Variants in MRC2 observed in about 807,000 individuals in gnomAD.
MRC2 encodes the protein mannose receptor C-type 2.
MRC2 carries 84 observed loss-of-function variants against 206.2 expected under a neutral mutation model. That is an observed-to-expected ratio of 0.41 (90% CI 0.34 to 0.49). The LOEUF (loss-of-function observed/expected upper bound fraction) is 0.49, where lower values mean the gene tolerates loss of function less well. Among genes scored for constraint, MRC2 ranks in the 20% least tolerant of loss-of-function variants. MRC2 has a pLI of 0.31. For missense variants in MRC2, 1,676 were observed against 2,001.5 expected (o/e 0.84, Z 3.10); for synonymous variants, 798 against 800.0 (o/e 1.00, Z 0.04).
Position 62,672,258 on chromosome 17 carries a change from C to A in MRC2, c.1461+106C>A. 1.5e-6 allele frequency: 2 copies of A among 1,338,428 alleles called. No homozygotes were observed. Among genetic ancestry groups the A allele is most frequent in the African/African-American group, 1.4e-5 (1 of 69,238 alleles). 82.9% of individuals were successfully genotyped at this position (1,338,428 alleles called of 1,614,324 possible). ...AGTTACTATCAGAACCTGCCTGGAA[C>A]CTCTTACCTCTCAGCAGTCCCCCTC... is the stretch of plus-strand genomic sequence containing the variant. On this transcript the variant is annotated intron_variant, in intron 8 of 29. Transcript: ENST00000303375. The surrounding 1 kb of genome is among the most constrained non-coding windows in gnomAD (Gnocchi z 4.5).
chr17:62,642,867 C>T (rs565930078), intron 1 of MRC2, among the ~76,000 whole-genome samples: 1 of 152,230 alleles, frequency 6.6e-6, no homozygotes, highest in African/African-American at 2.4e-5. Flanking sequence ...AAACTGAAAA[C>T]CACCCAAATG....
intron 1 of MRC2, among the ~76,000 whole-genome samples, chr17:62,642,149 T>A (rs1202819795): frequency 6.6e-6 from 1 of 152,194 alleles, no homozygotes. Flanking sequence ...AATTCAGAAT[T>A]CAATTAGGTG....
rs1382874972 is a variant in MRC2, at chr17:62,680,499, G to A, written c.2473+46G>A. The A allele has an allele frequency of 1.9e-6, 3 of 1,612,136 alleles. No homozygotes were observed. Among genetic ancestry groups the A allele is most frequent in the Non-Finnish European group, 2.5e-6 (3 of 1,178,870 alleles). ...CCCGCTACCCATCGCGTGGGAGAGG[G>A]CGTCAACTCTGGGGTAAGTCCCGAG... On this transcript the variant is annotated intron_variant, in intron 16 of 29. Coordinates refer to ENST00000303375, the MANE Select transcript of MRC2 (RefSeq NM_006039.5). This position sits in a 1 kb window ranked among gnomAD's most constrained non-coding sequence, Gnocchi z 4.8.
chr17:62,690,135 C>T, intron 25 of MRC2, 21 bp from the exon 26 acceptor site: 1 of 1,592,962 alleles, frequency 6.3e-7, no homozygotes, highest in South Asian at 1.1e-5. Flanking sequence ...TGAGCCACTT[C>T]TTAATCCTGT....
intron 10 of MRC2, among the ~76,000 whole-genome samples, 180 bp from the exon 11 acceptor site, chr17:62,676,203 G>A (rs1018319914): frequency 9.9e-5 from 15 of 152,158 alleles, no homozygotes; most frequent in African/African-American, 3.6e-4. Context: ...GGGGTGCAGA[G>A]AATAGAAGGG....
chr17:62,690,822 A>G (rs1375460724), intron 27 of MRC2, 61 bp downstream of exon 27: 3 of 1,521,252 alleles, frequency 2.0e-6, no homozygotes, highest in Middle Eastern at 1.7e-4. Flanking sequence ...GCTGCCCTCC[A>G]CTTTGCCCTG....
chr17:62,686,451 TCAACAA>T (rs58330151), intron 20 of MRC2, among the ~76,000 whole-genome samples: 124,036 of 150,050 alleles, frequency 0.83, 54,738 homozygotes, highest in Non-Finnish European at 0.97. Context: ...AGACTCCATC[TCAACAA>T]CAACAACAAC....
At position 62,664,607 on chromosome 17, in the gene MRC2, G is replaced by T. The variant is rs756816295; in HGVS notation, c.178G>T (p.Gly60Trp). ...GLQGCLEAQG[G>W]QVRVTPACNT... ...GCAGGGCTGCCTGGAGGCCCAGGGC[G>T]GGCAGGTCAGAGTCACCCCGGCTTG... is the stretch of plus-strand genomic sequence containing the variant. Residue 60 changes from glycine (G) to tryptophan (W), a missense_variant, in exon 2 of 30, where the codon GGG (glycine) becomes TGG (tryptophan). By Grantham distance (184) the Gly-to-Trp change is radical. Transcript: ENST00000303375. This position sits in a 1 kb window ranked among gnomAD's most constrained non-coding sequence, Gnocchi z 4.7. 1.2e-6 allele frequency: 2 copies of T among 1,613,430 alleles called. No individual in the cohort carries two copies. Among genetic ancestry groups the T allele is most frequent in the Admixed American group, 3.3e-5 (2 of 60,028 alleles).
At chr17:62,635,483 G>A (rs2147428997) in intron 1 of MRC2, among the ~76,000 whole-genome samples, 1 of 152,152 alleles carries the variant, frequency 6.6e-6, no homozygotes, top group Non-Finnish European at 1.5e-5. Context: ...GACAGACTAG[G>A]GAACACTGGG....
In MRC2 at chr17:62,666,706, G is replaced by A; in HGVS notation, c.860-51G>A. ...GTTGGGGAGAGGGCGATGGGGAGCG[G>A]GGGAGGCTGGGGCTGGGGATCCCCT... On this transcript the variant is annotated intron_variant, in intron 4 of 29. Transcript: ENST00000303375. The surrounding 1 kb of genome is among the most constrained non-coding windows in gnomAD (Gnocchi z 5.0). 1 of 1,593,394 alleles carries A rather than the reference G, an allele frequency of 6.3e-7. No individual in the cohort carries two copies. Among genetic ancestry groups the A allele is most frequent in the Non-Finnish European group, 8.6e-7 (1 of 1,168,242 alleles).
rs1044276723 is a variant in MRC2, at chr17:62,631,313, G to A, written c.118+3393G>A. Among the ~76,000 whole-genome samples, 22 of 152,174 alleles carry A rather than the reference G, an allele frequency of 1.4e-4. No individual in the cohort carries two copies. In the East Asian group the frequency reaches 2.7e-3, roughly 19 times the overall value. ...GGTCCTGTGCTGGCAGTAGCTCTTC[G>A]GCACCTCCCATCTCTGAGCAGGTGT... On this transcript the variant is annotated intron_variant, in intron 1 of 29. Transcript: ENST00000303375.
chr17:62,643,623 G>A (rs771304511), intron 1 of MRC2, among the ~76,000 whole-genome samples: 8 of 152,224 alleles, frequency 5.3e-5, no homozygotes, highest in Non-Finnish European at 8.8e-5. Context: ...TCTGAACGGA[G>A]TTCACCAAGA....
chr17:62,640,032 T>G (rs1009738015), intron 1 of MRC2, among the ~76,000 whole-genome samples: 60 of 101,128 alleles, frequency 5.9e-4, no homozygotes, highest in African/African-American at 2.1e-3. Context: ...TTTTTTTTTT[T>G]TTTTTTTTTG....
intron 1 of MRC2, among the ~76,000 whole-genome samples, chr17:62,655,832 C>T (rs114145192): frequency 4.9e-4 from 75 of 152,218 alleles, no homozygotes; most frequent in African/African-American, 1.6e-3. Context: ...CACCCCCAAC[C>T]GTGCAGACTT....
intron 1 of MRC2, among the ~76,000 whole-genome samples, chr17:62,641,165 T>C (rs992159391): frequency 1.5e-4 from 22 of 150,940 alleles, no homozygotes; most frequent in African/African-American, 5.3e-4. Flanking sequence ...TTAAGTTCAT[T>C]AAGAGAAAAA....
At chr17:62,674,267 A>T (rs2088862433) in intron 9 of MRC2, 97 bp downstream of exon 9, 4 of 857,568 alleles carry the variant, frequency 4.7e-6, no homozygotes, top group South Asian at 1.8e-5. Context: ...CTCGCATGGC[A>T]TCGCCCTCTC....
At chr17:62,674,253 C>A in intron 9 of MRC2, 83 bp downstream of exon 9, 2 of 1,021,150 alleles carry the variant, frequency 2.0e-6, no homozygotes, top group Non-Finnish European at 2.8e-6. Context: ...TGAACTCCTG[C>A]TGCCTCGCAT....
In MRC2 at chr17:62,680,213, A is replaced by G. The variant is rs2147481681; in HGVS notation, c.2342A>G (p.Asp781Gly). The part of the protein sequence containing the change: ...NFDRSRHDDD[D>G]IRGCAVLDLA... The stretch of plus-strand genomic sequence containing the variant: ...GACCGGAGCCGGCACGACGACGACG[A>G]CATCCGAGGCTGTGCGGTGCTGGAC... Residue 781 changes from aspartate (D) to glycine (G), a missense_variant, in exon 15 of 30, where the codon GAC becomes GGC. Physicochemically the swap from Asp to Gly is moderately conservative, Grantham distance 94 (BLOSUM62 -1). Coordinates refer to ENST00000303375, the MANE Select transcript of MRC2 (RefSeq NM_006039.5). The surrounding 1 kb of genome is among the most constrained non-coding windows in gnomAD (Gnocchi z 4.8). 4 of 1,614,104 alleles carry G rather than the reference A, an allele frequency of 2.5e-6. 1 individual carries two copies. The Middle Eastern group carries it at 6.6e-4, about 266-fold the overall frequency.
In MRC2 at chr17:62,692,856, T is replaced by C. The variant is rs2089129350; in HGVS notation, c.*405T>C. ...TCCCCTGTCCCCTCGGGCAGATCTG[T>C]TGTGTCTCTCTTCCCACCTGGCAGC... On this transcript the variant is annotated 3_prime_UTR_variant, in exon 30 of 30. Transcript: ENST00000303375. This position sits in a 1 kb window ranked among gnomAD's most constrained non-coding sequence, Gnocchi z 4.2. 1.1e-5 allele frequency: 2 copies of C among 189,774 alleles called. No individual in the cohort carries two copies. Among genetic ancestry groups the C allele is most frequent in the South Asian group, 1.1e-4 (1 of 8,984 alleles). The allele number at this position is 189,774 out of a possible 1,614,324, so 11.8% of individuals were successfully genotyped here.
Sources: allele counts gnomAD v4.1 joint callset (sites outside exome capture counted in the v4.1 genomes callset), GRCh38; gene constraint gnomAD v4.1.1; non-coding constraint Gnocchi (gnomAD v3.1); transcripts MANE v1.5; gene names NCBI Gene and HGNC (gene_info 2026-07-23, HGNC 2026-07-21).